The following SLC9A6 variants were observed in gnomAD, a reference collection of about 807,000 sequenced individuals.
SLC9A6 encodes solute carrier family 9 member A6, also known as sodium/hydrogen exchanger 6.
SLC9A6 carries 6 observed loss-of-function variants against 45.3 expected under a neutral mutation model. That is an observed-to-expected ratio of 0.13 (90% confidence interval 0.07 to 0.26). The LOEUF is 0.26. SLC9A6 is among the 10% of genes least tolerant of loss of function. SLC9A6 has a pLI of 1.00. For missense variants in SLC9A6, 278 were observed against 503.7 expected (o/e 0.55, Z 4.29); for synonymous variants, 191 against 187.7 (o/e 1.02, Z -0.14).
rs781981525 is a variant in SLC9A6, at chrX:136,039,576, T to C, written c.1662-500T>C. ...AGTCTGATACTGAAGTTTCAACTTA[T>C]ACCATGCAAGAGGCCAGCTGAATTC... On this transcript the variant is annotated intron_variant, in intron 16 of 17. Coordinates refer to ENST00000630721, the MANE Select transcript of SLC9A6 (RefSeq NM_001379110.1). 2.7e-5 allele frequency among the ~76,000 whole-genome samples: 3 copies of C among 112,074 alleles called. No homozygotes were observed. The Admixed American group carries it at 2.8e-4, about 11-fold the overall frequency.
intron 7 of SLC9A6, among the ~76,000 whole-genome samples, chrX:136,003,909 A>G (rs782096971): frequency 9.0e-6 from 1 of 110,778 alleles, no homozygotes; most frequent in Non-Finnish European, 1.9e-5. Flanking sequence ...GTGTTAATAT[A>G]TATTATAGAT....
intron 16 of SLC9A6, among the ~76,000 whole-genome samples, chrX:136,035,718 A>T (rs2071401092): frequency 9.0e-6 from 1 of 110,757 alleles, no homozygotes; most frequent in African/African-American, 3.3e-5. Context: ...GGAATTTAGG[A>T]CAAGTATATG....
intron 7 of SLC9A6, among the ~76,000 whole-genome samples, chrX:136,005,678 C>CAAAAAAAA (rs368832440): frequency 1.2e-5 from 1 of 83,323 alleles, no homozygotes; most frequent in Non-Finnish European, 2.3e-5. Flanking sequence ...GAGACTGTCT[C>CAAAAAAAA]AAAAAAAAAA....
chrX:135,996,949 A>G lies in SLC9A6; in HGVS notation c.370-1159A>G, dbSNP rs373156340. On this transcript the variant is annotated intron_variant, in intron 3 of 17. Transcript: ENST00000630721. The stretch of plus-strand genomic sequence containing the variant: ...GCCCGGCTAATTTTTTGTATTTTTA[A>G]TAGAGACGGGGTTTCACCGTGTTAG... Among the ~76,000 whole-genome samples, 72 of 109,370 alleles carry G rather than the reference A, an allele frequency of 6.6e-4. No homozygotes were observed. The South Asian group carries it at 0.013, about 19-fold the overall frequency. The allele number at this position is 109,370 out of a possible 115,157, so 95.0% of individuals were successfully genotyped here.
At chrX:136,017,215 C>G (rs1556619386) in intron 11 of SLC9A6, among the ~76,000 whole-genome samples, 1 of 109,418 alleles carries the variant, frequency 9.1e-6, no homozygotes, top group Non-Finnish European at 1.9e-5. Context: ...AAAATAAAAA[C>G]CCCAACCTGG....
intron 8 of SLC9A6, among the ~76,000 whole-genome samples, 187 bp downstream of exon 8, chrX:136,010,770 C>G (rs1556618555): frequency 8.9e-6 from 1 of 112,090 alleles, no homozygotes; most frequent in African/African-American, 3.2e-5. Context: ...CTGTATTGTT[C>G]TGCATAGGGT....
intron 2 of SLC9A6, among the ~76,000 whole-genome samples, chrX:135,993,602 C>A (rs2089461775): frequency 9.0e-6 from 1 of 110,757 alleles, no homozygotes; most frequent in African/African-American, 3.3e-5. Flanking sequence ...AGGAGCCTGG[C>A]CAACATGGTG....
rs2089324822 is a variant in SLC9A6, at chrX:135,985,739, G to A, written c.81G>A (p.Leu27=). Residue 27 remains leucine (L), a synonymous_variant, in exon 2 of 18, where the codon CTG becomes CTA. Coordinates refer to ENST00000630721, the MANE Select transcript of SLC9A6 (RefSeq NM_001379110.1). ...GCGCCAACCTGCTCATCTTCATCCT[G>A]CTGCTCACCCTCACCATTCTCACAA... ...QDSANLLIFI[L]LLTLTILTIW... 1 of 1,211,705 alleles carries A rather than the reference G, an allele frequency of 8.3e-7. No homozygotes were observed.
intron 16 of SLC9A6, among the ~76,000 whole-genome samples, chrX:136,034,434 G>A (rs2071380984): frequency 9.0e-6 from 1 of 111,465 alleles, no homozygotes; most frequent in Non-Finnish European, 1.9e-5. Context: ...AAGAGTTGGG[G>A]ACCACTGCTT....
chrX:135,974,739 C>A, exon 1 of SLC9A6: 1 of 340,650 alleles, frequency 2.9e-6, no homozygotes, highest in South Asian at 2.6e-5. Flanking sequence ...GATCTGGAAC[C>A]CCAAATACTT....
At chrX:136,016,590 C>A in intron 10 of SLC9A6, 55 bp from the exon 11 acceptor site, 1 of 658,346 alleles carries the variant, frequency 1.5e-6, no homozygotes, top group Non-Finnish European at 2.5e-6. Context: ...AATACTCATG[C>A]TTTCAAATTA....
chrX:135,980,301 C>T (rs1172776111), upstream of SLC9A6, among the ~76,000 whole-genome samples: 1 of 109,864 alleles, frequency 9.1e-6, no homozygotes, highest in Non-Finnish European at 1.9e-5. Flanking sequence ...GCAACTTCGG[C>T]CTCCCAGGTT....
Position 136,044,507 on chromosome X carries a change from T to C in SLC9A6, c.1823T>C (p.Ile608Thr). 2 of 1,204,440 alleles carry C rather than the reference T, an allele frequency of 1.7e-6. No individual in the cohort carries two copies. Among genetic ancestry groups the C allele is most frequent in the East Asian group, 3.0e-5 (1 of 33,830 alleles). Reference sequence around the variant, plus strand: ...GATCTTATTCTCAATGATGGTGACATCAGTTTGACATATGGAGATTCTACT... The same window carrying C: ...GATCTTATTCTCAATGATGGTGACACCAGTTTGACATATGGAGATTCTACT... ...DSDLILNDGD[I>T]SLTYGDSTVN... Residue 608 changes from isoleucine to threonine, a missense_variant, in exon 18 of 18, where the codon ATC becomes ACC. Physicochemically the swap from Ile to Thr is moderately conservative, Grantham distance 89 (BLOSUM62 -1). Coordinates refer to ENST00000630721, the MANE Select transcript of SLC9A6 (RefSeq NM_001379110.1).
At chrX:135,984,303 AG>A (rs1176376106), upstream of SLC9A6, among the ~76,000 whole-genome samples, 1 of 111,715 alleles carries the variant, frequency 9.0e-6, no homozygotes, top group Non-Finnish European at 1.9e-5. Context: ...TTGTACTTGC[AG>A]GGGGAACTCA....
chrX:136,026,968 C>T (rs1556620638), intron 13 of SLC9A6, among the ~76,000 whole-genome samples: 1 of 111,648 alleles, frequency 9.0e-6, no homozygotes, highest in Non-Finnish European at 1.9e-5. Flanking sequence ...GCCAAGGATG[C>T]TGCTAAACAT....
At chrX:135,985,231 C>T (rs2089311608), upstream of SLC9A6, 1 of 262,347 alleles carries the variant, frequency 3.8e-6, no homozygotes, top group Admixed American at 6.7e-5. Flanking sequence ...TGCTTGGTTA[C>T]ACTGAGCCGA....
At chrX:136,026,329 C>T (rs1201643074) in intron 13 of SLC9A6, among the ~76,000 whole-genome samples, 1 of 111,750 alleles carries the variant, frequency 8.9e-6, no homozygotes, top group Non-Finnish European at 1.9e-5. Flanking sequence ...TGATCTTTGG[C>T]AAGTTCTTTA....
At chrX:136,006,604 T>G (rs1188868696) in intron 7 of SLC9A6, among the ~76,000 whole-genome samples, 1 of 110,216 alleles carries the variant, frequency 9.1e-6, no homozygotes, top group Non-Finnish European at 1.9e-5. Context: ...TAGATCTATA[T>G]GTATATTGAT....
chrX:135,987,967 A>G (rs1455563595), intron 2 of SLC9A6, among the ~76,000 whole-genome samples: 3 of 111,575 alleles, frequency 2.7e-5, no homozygotes, highest in African/African-American at 9.8e-5. Flanking sequence ...TTACAACTGC[A>G]TTTTCTCAGA....
Sources: gnomAD v4.1 joint callset for allele counts (sites outside exome capture counted in the v4.1 genomes callset) on GRCh38, gnomAD v4.1.1 for gene constraint, MANE v1.5 for transcripts, NCBI Gene and HGNC (gene_info 2026-07-23, HGNC 2026-07-21) for gene names.